RIMS2: variants seen among roughly 807,000 people sequenced by gnomAD.
RIMS2 encodes regulating synaptic membrane exocytosis protein 2.
A neutral mutation model predicts 174.4 loss-of-function variants in RIMS2; 59 were observed. That is an observed-to-expected ratio of 0.34 (90% CI 0.27 to 0.42). The LOEUF is 0.42. RIMS2 is among the 10% of genes least tolerant of loss of function. The pLI, the probability that RIMS2 is intolerant of heterozygous loss-of-function variation, is 1.00. For synonymous variants in RIMS2, 606 were observed against 572.5 expected (o/e 1.06, Z -0.84); for missense variants, 1,620 against 1,666.3 (o/e 0.97, Z 0.48).
chr8:103,949,730 G>A (rs935970719), intron 14 of RIMS2, among the ~76,000 whole-genome samples: 9 of 151,818 alleles, frequency 5.9e-5, no homozygotes, highest in East Asian at 3.9e-4. Context: ...CTTAACAAAC[G>A]TCAAAAAGAA....
chr8:104,244,885 G>A lies in RIMS2; in HGVS notation c.3335-31G>A, dbSNP rs762591564. The A allele has an allele frequency of 7.5e-6, 12 of 1,591,888 alleles. 1 individual carries two copies. The South Asian group carries it at 1.1e-4, about 15-fold the overall frequency. ...TTTCTTACCACATAGTGATTACAAA[G>A]CTGTTACACTTTTTGTTTCTATCTC... On this transcript the variant is annotated intron_variant, in intron 19 of 23. Transcript: ENST00000504942.
intron 1 of RIMS2, among the ~76,000 whole-genome samples, chr8:103,560,849 C>G (rs942020660): frequency 3.9e-5 from 6 of 152,056 alleles, no homozygotes; most frequent in African/African-American, 1.2e-4. Context: ...TATAGGTGTT[C>G]TTTTTATGTT....
chr8:103,529,927 G>GC (rs1836197108), intron 1 of RIMS2, among the ~76,000 whole-genome samples: 1 of 152,170 alleles, frequency 6.6e-6, no homozygotes, highest in Non-Finnish European at 1.5e-5. Flanking sequence ...AGAACTCATT[G>GC]CTATGGAAGG....
chr8:104,029,566 C>A (rs560716186), intron 19 of RIMS2, among the ~76,000 whole-genome samples: 1 of 152,202 alleles, frequency 6.6e-6, no homozygotes, highest in African/African-American at 2.4e-5. Context: ...TGGAACTTTT[C>A]TGTTACCAGC....
intron 2 of RIMS2, among the ~76,000 whole-genome samples, chr8:103,720,221 T>A (rs898303459): frequency 1.3e-5 from 2 of 152,206 alleles, no homozygotes; most frequent in Non-Finnish European, 2.9e-5. Flanking sequence ...AAGTGCATTA[T>A]ACCTTCATAA....
intron 8 of RIMS2, 96 bp from the exon 12 acceptor site, chr8:103,918,345 C>T (rs1565303803): frequency 3.0e-6 from 2 of 670,640 alleles, no homozygotes; most frequent in East Asian, 2.7e-5. Context: ...CTTCATTTTA[C>T]ACTCTCCTAT....
intron 13 of RIMS2, among the ~76,000 whole-genome samples, chr8:103,941,936 A>G (rs1270648511): frequency 1.3e-5 from 2 of 152,220 alleles, no homozygotes; most frequent in Non-Finnish European, 2.9e-5. Flanking sequence ...TTTAATAATT[A>G]TGACAGAGAA....
intron 20 of RIMS2, among the ~76,000 whole-genome samples, chr8:104,247,906 A>T (rs1296174085): frequency 6.6e-6 from 1 of 152,226 alleles, no homozygotes; most frequent in Non-Finnish European, 1.5e-5. Flanking sequence ...TATCAAGGGA[A>T]TTCAGACATA....
chr8:103,763,875 C>T (rs1408116675), intron 2 of RIMS2, among the ~76,000 whole-genome samples: 1 of 152,212 alleles, frequency 6.6e-6, no homozygotes, highest in Non-Finnish European at 1.5e-5. Context: ...GTATGAACTC[C>T]TTTGGTCTTA....
chr8:103,811,536 C>A (rs533974847), intron 3 of RIMS2, among the ~76,000 whole-genome samples: 2 of 152,142 alleles, frequency 1.3e-5, no homozygotes, highest in Non-Finnish European at 2.9e-5. Context: ...CCTCTGCCTC[C>A]TGGGTTCAAG....
intron 19 of RIMS2, among the ~76,000 whole-genome samples, chr8:104,201,591 A>C (rs1484286101): frequency 1.3e-5 from 2 of 152,188 alleles, no homozygotes; most frequent in Non-Finnish European, 2.9e-5. Flanking sequence ...AAAATTACAC[A>C]GTTAATTTTT....
At chr8:103,683,297 TGAAGA>T (rs1038028391) in intron 1 of RIMS2, among the ~76,000 whole-genome samples, 36 of 152,230 alleles carry the variant, frequency 2.4e-4, no homozygotes, top group African/African-American at 7.7e-4. Flanking sequence ...TGGGCAGGTG[TGAAGA>T]GATAACATGG....
intron 19 of RIMS2, among the ~76,000 whole-genome samples, chr8:104,048,442 C>A (rs1185451839): frequency 6.6e-6 from 1 of 152,002 alleles, no homozygotes; most frequent in Non-Finnish European, 1.5e-5. Context: ...TATAAAAAAA[C>A]CATGGTAAGA....
At chr8:103,635,006 C>T (rs2135352775) in intron 1 of RIMS2, among the ~76,000 whole-genome samples, 1 of 152,200 alleles carries the variant, frequency 6.6e-6, no homozygotes, top group South Asian at 2.1e-4. Context: ...GGGCATTTAG[C>T]CCATTTACAT....
intron 2 of RIMS2, among the ~76,000 whole-genome samples, chr8:103,725,789 C>T (rs1477714768): frequency 6.6e-6 from 1 of 152,082 alleles, no homozygotes; most frequent in African/African-American, 2.4e-5. Flanking sequence ...AACAGTTTTG[C>T]AAAGGTCATA....
intron 16 of RIMS2, among the ~76,000 whole-genome samples, chr8:103,987,332 T>G (rs1022358218): frequency 6.6e-6 from 1 of 152,260 alleles, no homozygotes; most frequent in East Asian, 1.9e-4. Flanking sequence ...TAAGTAAACC[T>G]TACCATGAAT....
intron 1 of RIMS2, among the ~76,000 whole-genome samples, chr8:103,696,305 C>T (rs923593518): frequency 2.0e-5 from 3 of 152,006 alleles, no homozygotes; most frequent in Admixed American, 2.0e-4. Flanking sequence ...GAGTGCCTAT[C>T]TAGTGTTTTT....
chr8:103,529,889 A>T (rs943668437), intron 1 of RIMS2, among the ~76,000 whole-genome samples: 3 of 152,158 alleles, frequency 2.0e-5, no homozygotes, highest in East Asian at 1.9e-4. Context: ...AAATATTTTG[A>T]TCTGTGGTTG....
At chr8:103,554,806 T>G (rs1200026410) in intron 1 of RIMS2, among the ~76,000 whole-genome samples, 1 of 152,054 alleles carries the variant, frequency 6.6e-6, no homozygotes, top group Non-Finnish European at 1.5e-5. Flanking sequence ...AACAGTAGAC[T>G]GAATAAAGGA....
Sources: gnomAD v4.1 joint callset for allele counts (sites outside exome capture counted in the v4.1 genomes callset) on GRCh38, gnomAD v4.1.1 for gene constraint, MANE v1.5 for transcripts, NCBI Gene and HGNC (gene_info 2026-07-23, HGNC 2026-07-21) for gene names.